The following GSE1 variants were observed in gnomAD, a reference collection of about 807,000 sequenced individuals.
GSE1 encodes genetic suppressor element 1.
In GSE1, 32 loss-of-function variants were observed where a neutral mutation model predicts 112.6. The observed-to-expected ratio is 0.28, with a 90% CI of 0.21 to 0.38. The LOEUF (loss-of-function observed/expected upper bound fraction) is 0.38. Among genes scored for constraint, GSE1 ranks in the 10% least tolerant of loss-of-function variants. GSE1 has a pLI of 1.00. For synonymous variants in GSE1, 1,115 were observed against 735.6 expected (o/e 1.52, Z -8.35); for missense variants, 2,348 against 1,699.2 (o/e 1.38, Z -6.71).
chr16:85,452,183 G>A (rs2049705634), intron 2 of GSE1, among the ~76,000 whole-genome samples: 1 of 152,204 alleles, frequency 6.6e-6, no homozygotes, highest in South Asian at 2.1e-4. Context: ...CTGCATCGGG[G>A]CCCCGCAATT....
chr16:85,665,735 C>T (rs2052795412), intron 12 of GSE1, among the ~76,000 whole-genome samples: 1 of 152,244 alleles, frequency 6.6e-6, no homozygotes, highest in Non-Finnish European at 1.5e-5. Flanking sequence ...GGACTTCCTT[C>T]TTCCTGTGGA....
At chr16:85,483,747 A>G (rs1019822096) in intron 2 of GSE1, among the ~76,000 whole-genome samples, 13 of 152,404 alleles carry the variant, frequency 8.5e-5, no homozygotes, top group South Asian at 2.1e-4. Context: ...TAAACCTAGC[A>G]GCAGGCTCGG....
intron 2 of GSE1, among the ~76,000 whole-genome samples, chr16:85,443,268 A>C (rs966317088): frequency 2.6e-5 from 4 of 152,048 alleles, no homozygotes; most frequent in Non-Finnish European, 4.4e-5. Flanking sequence ...CAGGCCCCAG[A>C]CCACCCTCTC....
chr16:85,425,120 G>GGTTGTCCCA (rs1264166122), intron 2 of GSE1, among the ~76,000 whole-genome samples: 1 of 152,252 alleles, frequency 6.6e-6, no homozygotes. Flanking sequence ...TGGGGCGGGG[G>GGTTGTCCCA]GTTGTCCCAG....
chr16:85,242,155 TGTGGATGCCTGCAGAGGCCCTCGCTTC>T (rs1453800938), intron 1 of GSE1, among the ~76,000 whole-genome samples: 1 of 152,186 alleles, frequency 6.6e-6, no homozygotes, highest in Admixed American at 6.5e-5. Flanking sequence ...CATCTCGCCC[TGTGGATGCCTGCAGAGGCCCTCGCTTC>T]CTCTCCTGGC....
At chr16:85,327,527 C>A (rs563560528) in intron 1 of GSE1, among the ~76,000 whole-genome samples, 19 of 152,092 alleles carry the variant, frequency 1.2e-4, no homozygotes, top group Non-Finnish European at 2.5e-4. Context: ...CATTTGAACC[C>A]GGGAGGCAGA....
intron 1 of GSE1, among the ~76,000 whole-genome samples, chr16:85,572,063 T>TACCAC (rs1567602595): frequency 1.3e-5 from 2 of 150,078 alleles, no homozygotes; most frequent in African/African-American, 4.9e-5. Context: ...CCACACACCA[T>TACCAC]ACACACAACC....
chr16:85,639,094 G>A (rs2050234846), intron 2 of GSE1, among the ~76,000 whole-genome samples: 1 of 152,222 alleles, frequency 6.6e-6, no homozygotes, highest in Admixed American at 6.5e-5. Flanking sequence ...CGACCGGCCT[G>A]GGCTGCAGTC....
At chr16:85,542,861 G>A (rs1302252174) in intron 2 of GSE1, among the ~76,000 whole-genome samples, 5 of 152,216 alleles carry the variant, frequency 3.3e-5, no homozygotes, top group Non-Finnish European at 5.9e-5. Context: ...GCAATACAGG[G>A]TACTCGGTAG....
At chr16:85,645,816 A>G (rs1201752483) in intron 2 of GSE1, among the ~76,000 whole-genome samples, 1 of 151,972 alleles carries the variant, frequency 6.6e-6, no homozygotes, top group African/African-American at 2.4e-5. Context: ...TCTACCACGC[A>G]TTCTACCTGC....
intron 2 of GSE1, among the ~76,000 whole-genome samples, chr16:85,440,402 A>C (rs957083862): frequency 6.6e-6 from 1 of 152,220 alleles, no homozygotes; most frequent in Non-Finnish European, 1.5e-5. Context: ...TGGACTAAGC[A>C]CTTGCCATCT....
intron 2 of GSE1, among the ~76,000 whole-genome samples, chr16:85,486,336 G>A (rs1401003627): frequency 6.6e-6 from 1 of 152,112 alleles, no homozygotes; most frequent in African/African-American, 2.4e-5. Flanking sequence ...CACGCATGTT[G>A]TCACGTGCAC....
intron 1 of GSE1, among the ~76,000 whole-genome samples, chr16:85,344,861 T>C (rs2046700359): frequency 1.3e-5 from 2 of 152,200 alleles, no homozygotes; most frequent in African/African-American, 4.8e-5. Context: ...GCTGGTGCCA[T>C]GTGTGCTTCA....
At chr16:85,449,051 G>C (rs918471633) in intron 2 of GSE1, among the ~76,000 whole-genome samples, 12 of 152,274 alleles carry the variant, frequency 7.9e-5, no homozygotes, top group Admixed American at 2.0e-4. Context: ...GCAGGTGGCC[G>C]GGCGCAGGAG....
intron 1 of GSE1, among the ~76,000 whole-genome samples, chr16:85,190,770 C>T (rs1000481861): frequency 6.6e-6 from 1 of 152,180 alleles, no homozygotes; most frequent in African/African-American, 2.4e-5. Flanking sequence ...TTTGAGGGGC[C>T]ATGGGAGGTC....
At chr16:85,339,008 G>C (rs1349252672) in intron 1 of GSE1, among the ~76,000 whole-genome samples, 1 of 152,184 alleles carries the variant, frequency 6.6e-6, no homozygotes, top group East Asian at 1.9e-4. Flanking sequence ...GTGTTTGGGT[G>C]GACTCGCAGC....
At chr16:85,540,583 C>A (rs1274757336) in intron 2 of GSE1, among the ~76,000 whole-genome samples, 1 of 152,208 alleles carries the variant, frequency 6.6e-6, no homozygotes, top group Non-Finnish European at 1.5e-5. Flanking sequence ...TATTTCCATT[C>A]CTTTTGGCAT....
intron 1 of GSE1, among the ~76,000 whole-genome samples, chr16:85,293,323 A>G (rs2045275532): frequency 6.6e-6 from 1 of 152,108 alleles, no homozygotes; most frequent in Admixed American, 6.6e-5. Flanking sequence ...AGGCGGGTGC[A>G]TCACTTGAAC....
intron 1 of GSE1, among the ~76,000 whole-genome samples, chr16:85,193,782 G>A (rs913277083): frequency 2.6e-5 from 4 of 152,144 alleles, no homozygotes; most frequent in Admixed American, 6.5e-5. Context: ...ATTTTATTCT[G>A]AGATAATTGT....
Sources: gnomAD v4.1 joint callset for allele counts (sites outside exome capture counted in the v4.1 genomes callset) on GRCh38, gnomAD v4.1.1 for gene constraint, MANE v1.5 for transcripts, NCBI Gene and HGNC (gene_info 2026-07-23, HGNC 2026-07-21) for gene names.